Variants in ACACB observed in about 807,000 individuals in gnomAD.
ACACB encodes the protein acetyl-CoA carboxylase 2.
ACACB carries 209 observed loss-of-function variants against 278.8 expected under a neutral mutation model. The observed-to-expected ratio is 0.75, with a 90% CI of 0.67 to 0.84. ACACB has a LOEUF of 0.84. Ranked by LOEUF, ACACB falls within the 40% of genes least tolerant of loss-of-function variation. The pLI, the probability that ACACB is intolerant of heterozygous loss-of-function variation, is 0.00. For synonymous variants in ACACB, 1,174 were observed against 1,285.6 expected, an observed-to-expected ratio of 0.91 and a Z score of 1.86; for missense variants, 2,850 against 3,269.0, an observed-to-expected ratio of 0.87 and a Z score of 3.13.
chr12:109,238,406 T>TTA (rs924233076), intron 34 of ACACB, among the ~76,000 whole-genome samples: 8 of 140,284 alleles, frequency 5.7e-5, no homozygotes, highest in Non-Finnish European at 1.1e-4. Context: ...ATATATATAA[T>TTA]TATATATAAT....
In ACACB at chr12:109,264,285, G is replaced by A; in HGVS notation, c.6841G>A (p.Ala2281Thr). The A allele has an allele frequency of 6.2e-7, 1 of 1,614,130 alleles. No individual in the cohort carries two copies. Among genetic ancestry groups the A allele is most frequent in the Non-Finnish European group, 8.5e-7 (1 of 1,180,024 alleles). The change falls in exon 50 of 53, where the codon GCT (alanine) becomes ACT (threonine). Residue 2281 changes from alanine (A) to threonine (T), a missense_variant. Ala to Thr is a moderately conservative substitution (Grantham distance 58). Coordinates refer to ENST00000338432, the MANE Select transcript of ACACB (RefSeq NM_001093.4). ...DRKDLEGRLKAREDLLLPIYH... is the reference protein window; with the variant it reads ...DRKDLEGRLKTREDLLLPIYH... Reference sequence around the variant, plus strand: ...AAAGGACCTGGAGGGCCGGCTAAAGGCTCGCGAGGACCTGCTGCTCCCCAT... The same window carrying A: ...AAAGGACCTGGAGGGCCGGCTAAAGACTCGCGAGGACCTGCTGCTCCCCAT...
chr12:109,211,932 C>T (rs2045861381), intron 21 of ACACB, among the ~76,000 whole-genome samples: 1 of 152,010 alleles, frequency 6.6e-6, no homozygotes, highest in African/African-American at 2.4e-5. Flanking sequence ...TTTTTGATGC[C>T]AAAGGCAATA....
Position 109,214,452 on chromosome 12 carries a change from C to A in ACACB, c.3350+1516C>A, listed in dbSNP as rs553109131. ...TGGATTCCCCACAAACTGCAAGTTTCACAGCCAAGGGCTAGGAAGGGAGTC... is the reference window on the plus strand; with the variant it reads ...TGGATTCCCCACAAACTGCAAGTTTAACAGCCAAGGGCTAGGAAGGGAGTC... On this transcript the variant is annotated intron_variant, in intron 22 of 52. Coordinates refer to ENST00000338432, the MANE Select transcript of ACACB (RefSeq NM_001093.4). Among the ~76,000 whole-genome samples the A allele has an allele frequency of 2.0e-5, 3 of 152,298 alleles. No individual in the cohort carries two copies. The East Asian group carries it at 5.8e-4, about 29-fold the overall frequency.
At chr12:109,115,472 G>A (rs977033362), upstream of ACACB, among the ~76,000 whole-genome samples, 1 of 152,144 alleles carries the variant, frequency 6.6e-6, no homozygotes, top group South Asian at 2.1e-4. Context: ...GTTTGTTTGA[G>A]AGTCACCTCT....
chr12:109,163,176 C>T (rs1413137373), intron 2 of ACACB, among the ~76,000 whole-genome samples: 2 of 152,104 alleles, frequency 1.3e-5, no homozygotes, highest in African/African-American at 2.4e-5. Flanking sequence ...TCACCTGCCT[C>T]GGCCTCCCAT....
At chr12:109,239,787 T>TGCACCCCTGGCCTGA in intron 34 of ACACB, 43 bp from the exon 35 acceptor site, 2 of 1,558,612 alleles carry the variant, frequency 1.3e-6, no homozygotes, top group South Asian at 2.4e-5. Context: ...GGAGTAGGCC[T>TGCACCCCTGGCCTGA]GCACCCCTGG....
rs754737585 is a variant in ACACB, at chr12:109,167,948, G to C, written c.839G>C (p.Arg280Pro). The C allele has an allele frequency of 1.9e-6, 3 of 1,613,830 alleles. No homozygotes were observed. The highest frequency in any genetic ancestry group is 2.5e-6 in the Non-Finnish European group (3 of 1,179,876). ...IAAVKCMRSIRRWAYEMFRNE... is the reference protein window; with the variant it reads ...IAAVKCMRSIPRWAYEMFRNE... ...GCCGTGAAGTGCATGCGCTCCATCC[G>C]CAGGTGGGCCTATGAGATGTTCCGC... Residue 280 changes from arginine to proline, a missense_variant, in exon 4 of 53, where the codon CGC becomes CCC. By Grantham distance (103) the Arg-to-Pro change is moderately radical. This residue lies in a region of ACACB where 2,265 missense variants were observed against 2,561.3 expected (regional missense o/e 0.88). Transcript: ENST00000338432.
At chr12:109,140,336 TTCCTTCCTTCC>T (rs879588805) in intron 2 of ACACB, among the ~76,000 whole-genome samples, 7,798 of 112,666 alleles carry the variant, frequency 0.069, 701 homozygotes, top group East Asian at 0.14. Flanking sequence ...CCTTCCTTCC[TTCCTTCCTTCC>T]TTCCCTCCTT....
At chr12:109,258,895 C>T (rs569294440) in intron 46 of ACACB, 78 bp from the exon 47 acceptor site, 30 of 1,557,272 alleles carry the variant, frequency 1.9e-5, no homozygotes, top group Admixed American at 3.5e-5. Flanking sequence ...CCATCCAGAG[C>T]GAGGTTCTGG....
chr12:109,132,652 C>T (rs2042859241), intron 1 of ACACB, among the ~76,000 whole-genome samples: 1 of 152,128 alleles, frequency 6.6e-6, no homozygotes, highest in Non-Finnish European at 1.5e-5. Context: ...AACTGAGGCT[C>T]AGAGAGTTTC....
rs527245700 is a variant in ACACB at position 109,237,125 on chromosome 12, G to A, written c.4447-40G>A. On this transcript the variant is annotated intron_variant, in intron 33 of 52. Coordinates refer to ENST00000338432, the MANE Select transcript of ACACB (RefSeq NM_001093.4). ...GGACGCAGCTCCAACGTCACGCTGT[G>A]TGTGTATGTGTCTGTCTTCTCTCTC... is the stretch of plus-strand genomic sequence containing the variant. 2.5e-6 allele frequency: 4 copies of A among 1,604,710 alleles called. No individual in the cohort carries two copies. In the East Asian group the frequency reaches 6.7e-5, roughly 27 times the overall value.
chr12:109,240,775 T>A (rs1026972024), intron 35 of ACACB, among the ~76,000 whole-genome samples: 5 of 152,042 alleles, frequency 3.3e-5, no homozygotes, highest in Admixed American at 3.3e-4. Flanking sequence ...CAAAGGCATG[T>A]AAAGATAGTA....
At chr12:109,157,895 T>G (rs2043594413) in intron 2 of ACACB, among the ~76,000 whole-genome samples, 1 of 152,192 alleles carries the variant, frequency 6.6e-6, no homozygotes. Flanking sequence ...AGAAGTTGTT[T>G]TTTAATGAGT....
At chr12:109,244,376 G>C (rs1287000175) in intron 37 of ACACB, among the ~76,000 whole-genome samples, 3 of 151,684 alleles carry the variant, frequency 2.0e-5, no homozygotes, top group Non-Finnish European at 4.4e-5. Context: ...CTGGGCCTCA[G>C]TTTCCTCTTC....
intron 2 of ACACB, among the ~76,000 whole-genome samples, chr12:109,149,405 A>C (rs1199109720): frequency 6.6e-6 from 1 of 152,078 alleles, no homozygotes; most frequent in Non-Finnish European, 1.5e-5. Flanking sequence ...GGAGGAATGG[A>C]CAGCAGGGAG....
chr12:109,168,497 T>C (rs2043995983), intron 4 of ACACB, among the ~76,000 whole-genome samples: 1 of 152,148 alleles, frequency 6.6e-6, no homozygotes, highest in Non-Finnish European at 1.5e-5. Context: ...TAACTTCTTC[T>C]GCTGTATTTT....
rs576254310 is a variant in ACACB at position 109,191,493 on chromosome 12, C to T, written c.2145-120C>T. The T allele has an allele frequency of 2.0e-3, 2,598 of 1,274,306 alleles. 4 individuals carry two copies. Among genetic ancestry groups the T allele is most frequent in the Admixed American group, 3.0e-3 (153 of 50,682 alleles). 78.9% of individuals were successfully genotyped at this position (1,274,306 alleles called of 1,614,324 possible). A position where few individuals can be genotyped will look rare whatever the true frequency, so the allele number is the denominator to read the frequency against. On this transcript the variant is annotated intron_variant, in intron 13 of 52. Coordinates refer to ENST00000338432, the MANE Select transcript of ACACB (RefSeq NM_001093.4). ...CCTCCCAAAGTGCTGGGATTACAGG[C>T]GTGAGCCACCACACCCGGCCACTCC...
intron 19 of ACACB, among the ~76,000 whole-genome samples, chr12:109,205,510 C>A (rs1565919653): frequency 6.6e-6 from 1 of 151,678 alleles, no homozygotes; most frequent in East Asian, 1.9e-4. Context: ...AGTGCAATGG[C>A]ACAATCTTGG....
chr12:109,184,168 T>C (rs974565039), intron 11 of ACACB, among the ~76,000 whole-genome samples: 16 of 152,062 alleles, frequency 1.1e-4, no homozygotes, highest in Non-Finnish European at 5.9e-5. Flanking sequence ...TTCTCCTGCC[T>C]CAGCCTCCCG....
Sources: gnomAD v4.1 joint callset for allele counts (sites outside exome capture counted in the v4.1 genomes callset) on GRCh38, gnomAD v4.1.1 for gene constraint, gnomAD v4.1.1 regional missense constraint, MANE v1.5 for transcripts, NCBI Gene and HGNC (gene_info 2026-07-23, HGNC 2026-07-21) for gene names.